PPM1K: variants seen among roughly 807,000 people sequenced by gnomAD.
PPM1K encodes protein phosphatase Mn(2+)-dependent 1K.
A neutral mutation model predicts 32.6 loss-of-function variants in PPM1K; 19 were observed. The observed-to-expected ratio is 0.58, with a 90% confidence interval of 0.41 to 0.86. PPM1K has a LOEUF of 0.86. Among genes scored for constraint, PPM1K ranks in the 40% least tolerant of loss-of-function variants. The pLI, the probability that PPM1K is intolerant of heterozygous loss-of-function variation, is 0.00. For synonymous variants in PPM1K, 159 were observed against 165.3 expected (o/e 0.96, Z 0.29); for missense variants, 362 against 461.2 (o/e 0.78, Z 1.97).
chr4:88,282,185 A>G (rs1418936837), intron 1 of PPM1K, among the ~76,000 whole-genome samples: 1 of 152,208 alleles, frequency 6.6e-6, no homozygotes, highest in African/African-American at 2.4e-5. Flanking sequence ...TTTATAAACC[A>G]TTTTAACATT....
At chr4:88,270,549 A>G (rs981865225) in intron 3 of PPM1K, among the ~76,000 whole-genome samples, 6 of 152,244 alleles carry the variant, frequency 3.9e-5, no homozygotes, top group African/African-American at 9.6e-5. Flanking sequence ...TTGACTAACT[A>G]TGATATTTCA....
intron 6 of PPM1K, 79 bp from the exon 7 acceptor site, chr4:88,262,805 T>C: frequency 1.4e-6 from 2 of 1,470,932 alleles, no homozygotes; most frequent in Non-Finnish European, 9.1e-7. Context: ...TTTCCTTCCC[T>C]TGGAAATACG....
At position 88,265,073 on chromosome 4, in the gene PPM1K, A is replaced by G. The variant is rs746008033; in HGVS notation, c.915T>C (p.Asn305=). 1.2e-6 allele frequency: 2 copies of G among 1,614,184 alleles called. No homozygotes were observed. Among genetic ancestry groups the G allele is most frequent in the East Asian group, 2.2e-5 (1 of 44,890 alleles). Reference sequence around the variant, plus strand: ...TGACAAAGTCACAAATCTCTTGACTATTCACCATGAAGTTAATTCCATCTG... The same window carrying G: ...TGACAAAGTCACAAATCTCTTGACTGTTCACCATGAAGTTAATTCCATCTG... ...LTTDGINFMV[N]SQEICDFVNQ... is the part of the protein sequence containing the mutation. The change falls in exon 6 of 7, where the codon AAT becomes AAC. Residue 305 remains asparagine, a synonymous_variant. Coordinates refer to ENST00000608933, the MANE Select transcript of PPM1K (RefSeq NM_152542.5).
chr4:88,268,339 T>C lies in PPM1K; in HGVS notation c.708-5A>G, dbSNP rs192622849. On this transcript the variant is annotated splice_region_variant and splice_polypyrimidine_tract_variant and intron_variant, in intron 4 of 6. Coordinates refer to ENST00000608933, the MANE Select transcript of PPM1K (RefSeq NM_152542.5). ...AAACCACCACATTTCTTGATCCTGT[T>C]AAAAGTTAAATGACAATGGTGTGAT... The C allele has an allele frequency of 1.4e-4, 218 of 1,614,162 alleles. 1 individual carries two copies. The African/African-American group carries it at 2.3e-3, about 17-fold the overall frequency.
At chr4:88,272,990 A>G (rs1201109545) in intron 3 of PPM1K, among the ~76,000 whole-genome samples, 1 of 152,222 alleles carries the variant, frequency 6.6e-6, no homozygotes, top group East Asian at 1.9e-4. Context: ...GAACTCACAC[A>G]TGCCGGGCAG....
In PPM1K at chr4:88,268,871, C is replaced by T; in HGVS notation, c.577G>A (p.Ala193Thr). The T allele has an allele frequency of 6.2e-7, 1 of 1,613,804 alleles. No individual in the cohort carries two copies. The highest frequency in any genetic ancestry group is 1.1e-5 in the South Asian group (1 of 91,016). ...AGTTCAATACCATCTCGCAATAGGGCTACTGTTGCAGTAGTCCCAGAGGTC... is the reference window on the plus strand; with the variant it reads ...AGTTCAATACCATCTCGCAATAGGGTTACTGTTGCAGTAGTCCCAGAGGTC... ...LLTSGTTATV[A>T]LLRDGIELVV... Residue 193 changes from alanine (A) to threonine (T), a missense_variant, in exon 4 of 7, where the codon GCC (alanine) becomes ACC (threonine). Physicochemically the swap from Ala to Thr is moderately conservative, Grantham distance 58. Transcript: ENST00000608933.
At chr4:88,275,471 C>A (rs1372157426) in intron 3 of PPM1K, 1 of 985,170 alleles carries the variant, frequency 1.0e-6, no homozygotes, top group East Asian at 1.1e-4. Flanking sequence ...GGAGTCCTGT[C>A]ATATTTTACA....
chr4:88,275,839 T>C (rs1731745677), intron 3 of PPM1K: 2 of 985,356 alleles, frequency 2.0e-6, no homozygotes, highest in East Asian at 1.1e-4. Context: ...GAACAAGAGC[T>C]AAGTCTTATG....
rs189713264 is a variant in PPM1K, at chr4:88,275,130, C to T, written c.541+2013G>A. ...ATGTTCTGGGATCATTACTTCAAAG[C>T]ATATGATAGAGGAATTAAATTAAAT... is the stretch of plus-strand genomic sequence containing the variant. On this transcript the variant is annotated intron_variant, in intron 3 of 6. Transcript: ENST00000608933. The T allele has an allele frequency of 1.3e-3, 703 of 554,796 alleles. 3 individuals are homozygous for T. The African/African-American group carries it at 0.014, about 11-fold the overall frequency. The allele number at this position is 554,796 out of a possible 1,614,324, so 34.4% of individuals were successfully genotyped here.
chr4:88,268,810 A>G lies in PPM1K; in HGVS notation c.638T>C (p.Leu213Ser), dbSNP rs892771757. 1 of 1,613,920 alleles carries G rather than the reference A, an allele frequency of 6.2e-7. No individual in the cohort carries two copies. The highest frequency in any genetic ancestry group is 1.3e-5 in the African/African-American group (1 of 74,882). Residue 213 changes from leucine to serine, a missense_variant, in exon 4 of 7, where the codon TTG (leucine) becomes TCG (serine). By Grantham distance (145) the Leu-to-Ser change is moderately radical (BLOSUM62 -2). Coordinates refer to ENST00000608933, the MANE Select transcript of PPM1K (RefSeq NM_152542.5). ...CTTCATGGGTTTTCCTTTTCTACAC[A>G]AAATAGCCCGGCTGTCCCCAACACT... is the stretch of plus-strand genomic sequence containing the variant. ...VASVGDSRAI[L>S]CRKGKPMKLT...
At chr4:88,276,627 T>C in intron 3 of PPM1K, 5 of 984,846 alleles carry the variant, frequency 5.1e-6, no homozygotes, top group Non-Finnish European at 6.0e-6. Context: ...CAGAAAAATA[T>C]TTTCCTTCTA....
intron 3 of PPM1K, chr4:88,271,208 A>G (rs1178184870): frequency 2.0e-6 from 1 of 488,912 alleles, no homozygotes; most frequent in Non-Finnish European, 4.0e-6. Flanking sequence ...AATAACACGC[A>G]CAGAGGCAAA....
chr4:88,270,265 T>A (rs565773345), intron 3 of PPM1K, among the ~76,000 whole-genome samples: 1 of 152,292 alleles, frequency 6.6e-6, no homozygotes, highest in South Asian at 2.1e-4. Context: ...ATCAGAAAAG[T>A]AAGATGGAAA....
At chr4:88,276,175 A>AC (rs1317319501) in intron 3 of PPM1K, 9 of 985,340 alleles carry the variant, frequency 9.1e-6, no homozygotes, top group Non-Finnish European at 1.1e-5. Flanking sequence ...TTACCACTCT[A>AC]ATCTTCAGTT....
At position 88,268,283 on chromosome 4, in the gene PPM1K, G is replaced by A. The variant is rs146016106; in HGVS notation, c.759C>T (p.His253=). ...FVAWNSLGQP[H]VNGRLAMTRS... is the part of the protein sequence containing the mutation. Reference sequence around the variant, plus strand: ...TTGTCATTGCAAGCCTGCCATTTACGTGAGGCTGCCCCAAACTATTCCAAG... The same window carrying A: ...TTGTCATTGCAAGCCTGCCATTTACATGAGGCTGCCCCAAACTATTCCAAG... The change falls in exon 5 of 7, where the codon CAC becomes CAT. Residue 253 remains histidine, a synonymous_variant. Transcript: ENST00000608933. 3.8e-5 allele frequency: 62 copies of A among 1,613,908 alleles called. No homozygotes were observed. Among genetic ancestry groups the A allele is most frequent in the Non-Finnish European group, 4.9e-5 (58 of 1,179,996 alleles).
intron 1 of PPM1K, chr4:88,279,119 T>C (rs1165051553): frequency 6.5e-6 from 1 of 152,806 alleles, no homozygotes; most frequent in East Asian, 1.9e-4. Flanking sequence ...TAAATAAATA[T>C]ACTTCCCTTC....
chr4:88,275,815 G>A (rs1016863245), intron 3 of PPM1K: 2 of 985,176 alleles, frequency 2.0e-6, no homozygotes, highest in Admixed American at 1.2e-4. Context: ...TCCTTCATGT[G>A]TTTTAACTAT....
Position 88,265,014 on chromosome 4 carries a change from G to A in PPM1K, c.974C>T (p.Ala325Val), listed in dbSNP as rs142490765. The A allele has an allele frequency of 6.7e-5, 108 of 1,613,944 alleles. No individual in the cohort carries two copies. The highest frequency in any genetic ancestry group is 1.5e-4 in the African/African-American group (11 of 74,888). ...QCHDPNEAAHAVTEQAIQYGT... is the reference protein window; with the variant it reads ...QCHDPNEAAHVVTEQAIQYGT... ...GCTCTGGGTCACCTGTTCAGTCACCGCATGGGCTGCTTCGTTGGGATCATG... is the reference window on the plus strand; with the variant it reads ...GCTCTGGGTCACCTGTTCAGTCACCACATGGGCTGCTTCGTTGGGATCATG... The change falls in exon 6 of 7, where the codon GCG (alanine) becomes GTG (valine). Residue 325 changes from alanine to valine, a missense_variant. Transcript: ENST00000608933.
In PPM1K at chr4:88,261,682, TTTC is replaced by T. The variant is rs771869606; in HGVS notation, c.*910_*912del. The T allele has an allele frequency of 2.6e-5, 4 of 151,122 alleles. No homozygotes were observed. Among genetic ancestry groups the T allele is most frequent in the Non-Finnish European group, 4.4e-5 (3 of 67,792 alleles). 9.4% of individuals were successfully genotyped at this position (151,122 alleles called of 1,614,324 possible). A position where few individuals can be genotyped will look rare whatever the true frequency, so the allele number is the denominator to read the frequency against. On this transcript the variant is annotated 3_prime_UTR_variant, in exon 7 of 7. Transcript: ENST00000608933. ...AGTAATGTCACATCATCTGAATTAA[TTTC>T]TTTTCTTTCTTTTTTTTTTTTTTTT... is the stretch of plus-strand genomic sequence containing the variant.
Sources: gnomAD v4.1 joint callset for allele counts (sites outside exome capture counted in the v4.1 genomes callset) on GRCh38, gnomAD v4.1.1 for gene constraint, MANE v1.5 for transcripts, NCBI Gene and HGNC (gene_info 2026-07-23, HGNC 2026-07-21) for gene names.